The following CTNNA2 variants were observed in gnomAD, a reference collection of about 807,000 sequenced individuals.
CTNNA2 encodes catenin alpha 2.
In CTNNA2, 42 loss-of-function variants were observed where a neutral mutation model predicts 101.0. That is an observed-to-expected ratio of 0.42 (90% confidence interval 0.32 to 0.54). CTNNA2 has a LOEUF of 0.54. Among genes scored for constraint, CTNNA2 ranks in the 20% least tolerant of loss-of-function variants. The pLI is 0.14. For synonymous variants in CTNNA2, 450 were observed against 456.4 expected, an observed-to-expected ratio of 0.99 and a Z score of 0.18; for missense variants, 871 against 1,223.1, an observed-to-expected ratio of 0.71 and a Z score of 4.29.
intron 7 of CTNNA2, among the ~76,000 whole-genome samples, chr2:80,251,568 G>A (rs58311567): frequency 0.031 from 4,761 of 152,152 alleles, 248 homozygotes; most frequent in African/African-American, 0.11. Flanking sequence ...TATAAAGAAA[G>A]CCAACCAAAC....
intron 3 of CTNNA2, among the ~76,000 whole-genome samples, chr2:79,844,853 T>C (rs907461344): frequency 2.0e-5 from 3 of 151,940 alleles, no homozygotes; most frequent in Non-Finnish European, 4.4e-5. Flanking sequence ...TCATCTATAC[T>C]CTTTGTCTTT....
chr2:79,488,114 T>C (rs1280182813), intron 4 of CTNNA2, among the ~76,000 whole-genome samples: 1 of 151,738 alleles, frequency 6.6e-6, no homozygotes, highest in South Asian at 2.1e-4. Flanking sequence ...AGGTTGGGAG[T>C]TCGAGACCAG....
intron 7 of CTNNA2, among the ~76,000 whole-genome samples, chr2:80,248,017 A>ATT (rs553274292): frequency 5.7e-5 from 8 of 141,576 alleles, no homozygotes; most frequent in South Asian, 2.3e-4. Context: ...TCTTTTCTTT[A>ATT]TTTTTTTTTT....
chr2:79,930,324 G>GAA (rs869099487), intron 7 of CTNNA2, among the ~76,000 whole-genome samples: 10 of 145,074 alleles, frequency 6.9e-5, no homozygotes, highest in African/African-American at 2.6e-4. Flanking sequence ...AAGAAAGAAA[G>GAA]AAAGAAAGAA....
At chr2:80,406,826 C>CA (rs56793591) in intron 8 of CTNNA2, among the ~76,000 whole-genome samples, 1,663 of 62,950 alleles carry the variant, frequency 0.026, 18 homozygotes, top group Non-Finnish European at 0.034. Flanking sequence ...GACTCCATCT[C>CA]AAAAAAAAAA....
intron 3 of CTNNA2, among the ~76,000 whole-genome samples, chr2:79,855,152 C>A (rs1681026186): frequency 6.6e-6 from 1 of 152,110 alleles, no homozygotes; most frequent in Non-Finnish European, 1.5e-5. Flanking sequence ...GTGAGTTTTC[C>A]ATCCAGAAAG....
At chr2:79,543,644 A>T (rs1673554505) in intron 1 of CTNNA2, among the ~76,000 whole-genome samples, 1 of 152,120 alleles carries the variant, frequency 6.6e-6, no homozygotes, top group African/African-American at 2.4e-5. Context: ...ACTAGCAATG[A>T]ACAGATCATT....
At chr2:80,596,452 G>A (rs1289939101) in intron 15 of CTNNA2, among the ~76,000 whole-genome samples, 1 of 151,268 alleles carries the variant, frequency 6.6e-6, no homozygotes, top group Admixed American at 6.6e-5. Flanking sequence ...TGGGACTACA[G>A]GTGCCCGCCA....
chr2:79,682,508 A>G (rs1374324508), intron 2 of CTNNA2, among the ~76,000 whole-genome samples: 1 of 151,980 alleles, frequency 6.6e-6, no homozygotes, highest in African/African-American at 2.4e-5. Context: ...TAAGATATAT[A>G]GCCTGAACAA....
intron 7 of CTNNA2, among the ~76,000 whole-genome samples, chr2:80,015,305 C>T (rs1276164934): frequency 6.6e-6 from 1 of 152,020 alleles, no homozygotes; most frequent in African/African-American, 2.4e-5. Flanking sequence ...GAAATTAAAC[C>T]AACCCAATGC....
At chr2:79,727,945 T>C (rs1237452514) in intron 2 of CTNNA2, among the ~76,000 whole-genome samples, 4 of 152,098 alleles carry the variant, frequency 2.6e-5, no homozygotes, top group African/African-American at 7.2e-5. Context: ...CCATGGTGTT[T>C]ATGTGCCACA....
At chr2:79,838,099 A>G (rs530104340) in intron 3 of CTNNA2, among the ~76,000 whole-genome samples, 1 of 152,300 alleles carries the variant, frequency 6.6e-6, no homozygotes, top group African/African-American at 2.4e-5. Flanking sequence ...GAATTATACT[A>G]TACTCAGTAA....
chr2:80,460,464 T>G (rs1684332555), intron 9 of CTNNA2, among the ~76,000 whole-genome samples: 1 of 152,154 alleles, frequency 6.6e-6, no homozygotes, highest in South Asian at 2.1e-4. Flanking sequence ...GAATGTGACA[T>G]AGGCTTTAAG....
Position 80,555,779 on chromosome 2 carries a change from A to G in CTNNA2, c.1627A>G (p.Ile543Val), listed in dbSNP as rs1174523985. ...VDTLDRTAGAIRGRAARVIHI... is the reference protein window; with the variant it reads ...VDTLDRTAGAVRGRAARVIHI... ...CACTCTGGACCGGACTGCAGGGGCC[A>G]TCAGGGGCCGGGCAGCTCGAGTCAT... Residue 543 changes from isoleucine (I) to valine (V), a missense_variant, in exon 12 of 19, where the codon ATC (isoleucine) becomes GTC (valine). Transcript: ENST00000402739. 6.2e-7 allele frequency: 1 copy of G among 1,601,052 alleles called. No individual in the cohort carries two copies. The highest frequency in any genetic ancestry group is 8.5e-7 in the Non-Finnish European group (1 of 1,173,912).
intron 7 of CTNNA2, among the ~76,000 whole-genome samples, chr2:80,250,492 G>A (rs75653638): frequency 0.052 from 7,983 of 152,152 alleles, 416 homozygotes; most frequent in South Asian, 0.28. Context: ...ACCTGTGATA[G>A]TGAATGAGAA....
At chr2:79,288,834 TG>T (rs1675703697) in intron 2 of CTNNA2, among the ~76,000 whole-genome samples, 1 of 152,126 alleles carries the variant, frequency 6.6e-6, no homozygotes, top group South Asian at 2.1e-4. Context: ...TGACTTTCAG[TG>T]GGGGAACTTT....
At chr2:80,023,467 G>GTT (rs112927529) in intron 7 of CTNNA2, among the ~76,000 whole-genome samples, 8,197 of 151,806 alleles carry the variant, frequency 0.054, 633 homozygotes, top group African/African-American at 0.17. Context: ...TTCAGGCTCT[G>GTT]TTTTTTTTCA....
rs139087345 is a variant in CTNNA2, at chr2:80,060,226, C to T, written c.1056+150429C>T. On this transcript the variant is annotated intron_variant, in intron 7 of 18. Transcript: ENST00000402739. Reference sequence around the variant, plus strand: ...CTGCTATACCTCTGCAGAAACCACCCTTGTAAGACATCTGGATGAGAGCTG... The same window carrying T: ...CTGCTATACCTCTGCAGAAACCACCTTTGTAAGACATCTGGATGAGAGCTG... Among the ~76,000 whole-genome samples the T allele has an allele frequency of 1.0e-3, 157 of 152,290 alleles. 3 individuals carry two copies. In the East Asian group the frequency reaches 0.026, roughly 25 times the overall value.
intron 4 of CTNNA2, among the ~76,000 whole-genome samples, chr2:79,387,954 C>T (rs1033001236): frequency 6.6e-6 from 1 of 151,990 alleles, no homozygotes; most frequent in Non-Finnish European, 1.5e-5. Flanking sequence ...GAGTAGAGAT[C>T]CTATTATGGG....
Sources: allele counts gnomAD v4.1 joint callset (sites outside exome capture counted in the v4.1 genomes callset), GRCh38; gene constraint gnomAD v4.1.1; transcripts MANE v1.5; gene names NCBI Gene and HGNC (gene_info 2026-07-23, HGNC 2026-07-21).